Variants in ERI3 observed in about 807,000 individuals in gnomAD.
ERI3 encodes ERI1 exoribonuclease 3.
A neutral mutation model predicts 44.4 loss-of-function variants in ERI3; 18 were observed. The observed-to-expected ratio is 0.41, with a 90% confidence interval of 0.28 to 0.60. The LOEUF (loss-of-function observed/expected upper bound fraction) is 0.60. Among genes scored for constraint, ERI3 ranks in the 20% least tolerant of loss-of-function variants. The probability of loss-of-function intolerance (pLI) is 0.36; values close to 1 mark genes in which losing one functional copy is unlikely to be tolerated. For missense variants in ERI3, 294 were observed against 435.5 expected (o/e 0.68, Z 2.89); for synonymous variants, 183 against 164.8 (o/e 1.11, Z -0.84).
At chr1:44,343,216 A>T (rs1646719418) in intron 2 of ERI3, among the ~76,000 whole-genome samples, 1 of 152,170 alleles carries the variant, frequency 6.6e-6, no homozygotes, top group African/African-American at 2.4e-5. Flanking sequence ...GTAATGGATT[A>T]TAATGCACTG....
chr1:44,313,541 A>G (rs1646018252), intron 4 of ERI3, among the ~76,000 whole-genome samples: 1 of 152,216 alleles, frequency 6.6e-6, no homozygotes, highest in Non-Finnish European at 1.5e-5. Flanking sequence ...TTGCAAACAA[A>G]TTGATGTTAC....
At chr1:44,268,342 C>G (rs965291140) in intron 7 of ERI3, among the ~76,000 whole-genome samples, 4 of 152,096 alleles carry the variant, frequency 2.6e-5, no homozygotes, top group Admixed American at 6.5e-5. Flanking sequence ...CTACCTGAGA[C>G]CTAGGTCCAG....
At chr1:44,251,831 A>C (rs1390209705) in intron 7 of ERI3, among the ~76,000 whole-genome samples, 1 of 152,150 alleles carries the variant, frequency 6.6e-6, no homozygotes, top group East Asian at 1.9e-4. Context: ...CCTTGTGTCT[A>C]TCTCTTTACT....
intron 8 of ERI3, among the ~76,000 whole-genome samples, chr1:44,236,768 G>T (rs1644314843): frequency 6.6e-6 from 1 of 152,068 alleles, no homozygotes; most frequent in South Asian, 2.1e-4. Context: ...AAGCTGACAA[G>T]GCTCAGAGTG....
At chr1:44,240,615 G>A (rs1014160252) in intron 8 of ERI3, among the ~76,000 whole-genome samples, 1 of 152,210 alleles carries the variant, frequency 6.6e-6, no homozygotes, top group Non-Finnish European at 1.5e-5. Context: ...AGAGATGACA[G>A]CCCTTATCAC....
At chr1:44,316,775 TC>T (rs1435240959) in intron 4 of ERI3, among the ~76,000 whole-genome samples, 1 of 152,170 alleles carries the variant, frequency 6.6e-6, no homozygotes, top group African/African-American at 2.4e-5. Context: ...AGTTTTTTTT[TC>T]ATGATAACAA....
chr1:44,285,718 G>A (rs325164), intron 6 of ERI3, among the ~76,000 whole-genome samples: 64,800 of 152,042 alleles, frequency 0.43, 15,714 homozygotes, highest in African/African-American at 0.67. Context: ...ACTCTTGACC[G>A]TAAAGGGCTC....
chr1:44,290,141 A>G (rs1475671706), intron 6 of ERI3, among the ~76,000 whole-genome samples: 1 of 152,174 alleles, frequency 6.6e-6, no homozygotes, highest in Non-Finnish European at 1.5e-5. Context: ...AGGCTGTGGG[A>G]CCTGGATCTT....
chr1:44,308,427 G>A (rs760149625), intron 5 of ERI3, 26 bp from the exon 6 acceptor site: 5 of 1,601,512 alleles, frequency 3.1e-6, no homozygotes, highest in Middle Eastern at 1.7e-4. Context: ...GAACAAATGA[G>A]ATTTTCCTTT....
At chr1:44,321,503 T>C (rs542853539) in intron 3 of ERI3, among the ~76,000 whole-genome samples, 1 of 152,274 alleles carries the variant, frequency 6.6e-6, no homozygotes, top group East Asian at 1.9e-4. Context: ...AAATGGGGGT[T>C]TGGAACTGAA....
chr1:44,330,732 C>T (rs1028800085), intron 3 of ERI3, among the ~76,000 whole-genome samples: 1 of 152,144 alleles, frequency 6.6e-6, no homozygotes, highest in Non-Finnish European at 1.5e-5. Flanking sequence ...GAGCTCAAAA[C>T]TCATCACATA....
At chr1:44,279,556 C>T (rs1478301091) in intron 7 of ERI3, among the ~76,000 whole-genome samples, 1 of 152,128 alleles carries the variant, frequency 6.6e-6, no homozygotes, top group African/African-American at 2.4e-5. Flanking sequence ...CTAGGCTTCA[C>T]CCCTGAGCCC....
chr1:44,285,509 A>C (rs1287961476), intron 6 of ERI3, among the ~76,000 whole-genome samples: 1 of 152,234 alleles, frequency 6.6e-6, no homozygotes, highest in Non-Finnish European at 1.5e-5. Context: ...TTTCAGATAG[A>C]GAAGAGGCCA....
chr1:44,348,107 A>G (rs1646820401), intron 2 of ERI3, among the ~76,000 whole-genome samples: 1 of 152,226 alleles, frequency 6.6e-6, no homozygotes, highest in African/African-American at 2.4e-5. Flanking sequence ...TGGAATTAGA[A>G]CATGCTAATT....
chr1:44,228,519 T>TA lies in ERI3; in HGVS notation c.932-6880dup, dbSNP rs1469823853. Among the ~76,000 whole-genome samples, 1 of 152,196 alleles carries TA rather than the reference T, an allele frequency of 6.6e-6. No homozygotes were observed. The highest frequency in any genetic ancestry group is 1.5e-5 in the Non-Finnish European group (1 of 68,034). ...GAAGTATGCGGACCGAAGATGTTTT[T>TA]AAAAAAATCCTCATAAAGTGTTTAT... On this transcript the variant is annotated intron_variant, in intron 8 of 8. Coordinates refer to ENST00000372257, the MANE Select transcript of ERI3 (RefSeq NM_024066.3). The surrounding 1 kb of genome is among the most constrained non-coding windows in gnomAD (Gnocchi z 4.3).
chr1:44,340,850 G>A (rs1296791197), intron 2 of ERI3, among the ~76,000 whole-genome samples: 2 of 152,214 alleles, frequency 1.3e-5, no homozygotes, highest in African/African-American at 4.8e-5. Context: ...GCTGGCTTGA[G>A]TTTCAATATG....
At chr1:44,224,975 A>T (rs1406725745) in intron 8 of ERI3, among the ~76,000 whole-genome samples, 1 of 152,172 alleles carries the variant, frequency 6.6e-6, no homozygotes, top group Non-Finnish European at 1.5e-5. Flanking sequence ...GCCCTGCTAG[A>T]AAGTGAGGAA....
intron 7 of ERI3, among the ~76,000 whole-genome samples, chr1:44,255,969 A>G (rs1007417387): frequency 1.3e-5 from 2 of 152,086 alleles, no homozygotes; most frequent in African/African-American, 2.4e-5. Context: ...ACCTTCCTTT[A>G]TAGTCTTTCC....
At chr1:44,344,826 T>G (rs1220343944) in intron 2 of ERI3, among the ~76,000 whole-genome samples, 1 of 152,126 alleles carries the variant, frequency 6.6e-6, no homozygotes, top group Non-Finnish European at 1.5e-5. Flanking sequence ...AAGTAGCCCA[T>G]GGCAAGGAGG....
Sources: allele counts gnomAD v4.1 joint callset (sites outside exome capture counted in the v4.1 genomes callset), GRCh38; gene constraint gnomAD v4.1.1; non-coding constraint Gnocchi (gnomAD v3.1); transcripts MANE v1.5; gene names NCBI Gene and HGNC (gene_info 2026-07-23, HGNC 2026-07-21).